The following WDR43 variants were observed in gnomAD, a reference collection of about 807,000 sequenced individuals.
WDR43 encodes the protein WD repeat-containing protein 43.
WDR43 carries 13 observed loss-of-function variants against 91.4 expected under a neutral mutation model. That is an observed-to-expected ratio of 0.14 (90% CI 0.09 to 0.23). The LOEUF (loss-of-function observed/expected upper bound fraction) is 0.23, where lower values mean the gene tolerates loss of function less well. Among genes scored for constraint, WDR43 ranks in the 10% least tolerant of loss-of-function variants. The pLI, the probability that WDR43 is intolerant of heterozygous loss-of-function variation, is 1.00. For synonymous variants in WDR43, 331 were observed against 287.9 expected (o/e 1.15, Z -1.51); for missense variants, 780 against 809.4 (o/e 0.96, Z 0.44).
intron 1 of WDR43, among the ~76,000 whole-genome samples, chr2:28,898,096 C>G (rs1301492261): frequency 1.3e-5 from 2 of 152,206 alleles, no homozygotes; most frequent in East Asian, 3.8e-4. Flanking sequence ...GGAACTGATG[C>G]TGCTATTTGA....
chr2:28,931,077 C>CTTTTT (rs777986889), intron 11 of WDR43, among the ~76,000 whole-genome samples: 1 of 137,814 alleles, frequency 7.3e-6, no homozygotes. Context: ...TTTATTTCTG[C>CTTTTT]TTTTTTTTTT....
chr2:28,896,438 G>A (rs1418726957), intron 1 of WDR43, among the ~76,000 whole-genome samples: 2 of 152,136 alleles, frequency 1.3e-5, no homozygotes, highest in Non-Finnish European at 2.9e-5. Context: ...TAAGTGTTAA[G>A]TATTATTAAT....
At chr2:28,946,299 A>G (rs1671540878) in intron 16 of WDR43, 151 bp from the exon 17 acceptor site, 1 of 877,358 alleles carries the variant, frequency 1.1e-6, no homozygotes, top group African/African-American at 1.7e-5. Context: ...AAAAAAAAAA[A>G]TAATAAAATA....
At chr2:28,920,420 G>A (rs1457569094) in intron 6 of WDR43, among the ~76,000 whole-genome samples, 2 of 151,414 alleles carry the variant, frequency 1.3e-5, no homozygotes, top group African/African-American at 2.4e-5. Context: ...TAGAGATGGG[G>A]TTTTGCCATG....
chr2:28,929,393 T>C (rs1671199596), intron 10 of WDR43, among the ~76,000 whole-genome samples, 186 bp from the exon 11 acceptor site: 1 of 152,220 alleles, frequency 6.6e-6, no homozygotes, highest in Non-Finnish European at 1.5e-5. Context: ...AAGCTTGGAT[T>C]GCAGATGTTT....
chr2:28,914,159 G>C lies in WDR43; in HGVS notation c.697G>C (p.Gly233Arg). ...GAGCCAGCCCTTTGATGGAATTACA[G>C]GTCTTTATTTCTTATCTGGAGCAGT... ...NESQPFDGIT[G>R]LYFLSGAVHD... Residue 233 changes from glycine to arginine, a missense_variant, in exon 5 of 18, where the codon GGT becomes CGT. Gly to Arg is a moderately radical substitution (Grantham distance 125, BLOSUM62 -2). Transcript: ENST00000407426. 6.2e-7 allele frequency: 1 copy of C among 1,613,898 alleles called. No homozygotes were observed. The highest frequency in any genetic ancestry group is 8.5e-7 in the Non-Finnish European group (1 of 1,179,866).
chr2:28,925,241 T>A (rs1225996665), intron 8 of WDR43, 88 bp downstream of exon 8: 1 of 1,213,438 alleles, frequency 8.2e-7, no homozygotes, highest in Non-Finnish European at 1.1e-6. Context: ...CATTGGTCTT[T>A]AAGATAAATA....
intron 1 of WDR43, 197 bp downstream of exon 1, chr2:28,895,120 C>T (rs1490135891): frequency 4.5e-6 from 2 of 442,122 alleles, no homozygotes; most frequent in Non-Finnish European, 3.6e-6. Context: ...TGAGGGAGGG[C>T]GCAGCTCGAC....
At chr2:28,926,963 C>A in intron 9 of WDR43, 1 of 462,756 alleles carries the variant, frequency 2.2e-6, no homozygotes, top group Non-Finnish European at 4.4e-6. Context: ...TATAATACCA[C>A]AAAAGCATAG....
chr2:28,944,384 T>C (rs1406057542), intron 16 of WDR43, among the ~76,000 whole-genome samples: 2 of 152,242 alleles, frequency 1.3e-5, no homozygotes, highest in Non-Finnish European at 2.9e-5. Context: ...TAAATATAGA[T>C]AGACTTTTCC....
intron 2 of WDR43, among the ~76,000 whole-genome samples, chr2:28,902,569 G>T (rs954496282): frequency 3.3e-5 from 5 of 152,232 alleles, no homozygotes; most frequent in African/African-American, 1.2e-4. Context: ...GGCTCCAGCT[G>T]CCTGGTGCTA....
At position 28,922,927 on chromosome 2, in the gene WDR43, G is replaced by A. The variant is rs771876119; in HGVS notation, c.858G>A (p.Lys286=). The A allele has an allele frequency of 2.5e-6, 4 of 1,611,210 alleles. No individual in the cohort carries two copies. In the South Asian group the frequency reaches 3.3e-5, roughly 13 times the overall value. The part of the protein sequence containing the change: ...TLSENKEEPV[K]LAVVCRDGQV... ...TTACATTTTTCTTTTAGCCTGTCAA[G>A]TTGGCTGTTGTTTGCAGAGATGGTC... The change falls in exon 7 of 18, where the codon AAG becomes AAA. Residue 286 remains lysine (K), a synonymous_variant. Transcript: ENST00000407426.
chr2:28,930,043 T>A, intron 11 of WDR43: 1 of 485,934 alleles, frequency 2.1e-6, no homozygotes, highest in Non-Finnish European at 4.2e-6. Flanking sequence ...TCACAATTTA[T>A]ATTTTTTTCT....
chr2:28,940,870 ACT>A (rs769011429), intron 14 of WDR43, among the ~76,000 whole-genome samples: 12 of 152,168 alleles, frequency 7.9e-5, no homozygotes, highest in South Asian at 4.1e-4. Flanking sequence ...AATACAAAAG[ACT>A]CTGATGAGAG....
At chr2:28,908,824 C>T (rs1670733339) in intron 3 of WDR43, among the ~76,000 whole-genome samples, 1 of 152,174 alleles carries the variant, frequency 6.6e-6, no homozygotes, top group African/African-American at 2.4e-5. Flanking sequence ...TTTCCCCCTT[C>T]CAGTTCTCTC....
chr2:28,933,425 A>C (rs534268027), intron 11 of WDR43, among the ~76,000 whole-genome samples: 1 of 152,322 alleles, frequency 6.6e-6, no homozygotes, highest in Admixed American at 6.5e-5. Context: ...TAAAACTACA[A>C]AACTTCTGGG....
In WDR43 at chr2:28,903,828, A is replaced by G. The variant is rs1325516411; in HGVS notation, c.363+1704A>G. Among the ~76,000 whole-genome samples, 4 of 152,174 alleles carry G rather than the reference A, an allele frequency of 2.6e-5. No homozygotes were observed. The East Asian group carries it at 7.7e-4, about 29-fold the overall frequency. ...AGAAGACTTATTTTTTTTTAAAGAC[A>G]GAGTCTCACTCTGTCGCCCAGGCTA... On this transcript the variant is annotated intron_variant, in intron 2 of 17. Transcript: ENST00000407426.
At chr2:28,905,053 T>C (rs550690426) in intron 2 of WDR43, 1 of 152,000 alleles carries the variant, frequency 6.6e-6, no homozygotes, top group Non-Finnish European at 1.5e-5. Context: ...CTGGGATAGG[T>C]AAGATTTGGA....
At chr2:28,896,447 A>G (rs1670483431) in intron 1 of WDR43, among the ~76,000 whole-genome samples, 4 of 152,218 alleles carry the variant, frequency 2.6e-5, no homozygotes, top group Admixed American at 2.6e-4. Context: ...AGTATTATTA[A>G]TATCTGATAT....
Sources: allele counts gnomAD v4.1 joint callset (sites outside exome capture counted in the v4.1 genomes callset), GRCh38; gene constraint gnomAD v4.1.1; transcripts MANE v1.5; gene names NCBI Gene and HGNC (gene_info 2026-07-23, HGNC 2026-07-21).